Variants in NAA25 observed in about 807,000 individuals in gnomAD.
The protein encoded by NAA25 is N-alpha-acetyltransferase 25, NatB auxiliary subunit.
NAA25 carries 30 observed loss-of-function variants against 132.5 expected under a neutral mutation model. The observed-to-expected ratio is 0.23, with a 90% CI of 0.17 to 0.31. The LOEUF is 0.31. Among genes scored for constraint, NAA25 ranks in the 10% least tolerant of loss-of-function variants. The pLI is 1.00. For missense variants in NAA25, 771 were observed against 1,150.4 expected (o/e 0.67, Z 4.77); for synonymous variants, 359 against 401.9 (o/e 0.89, Z 1.28).
chr12:112,088,541 C>CA (rs1192549114), intron 3 of NAA25, among the ~76,000 whole-genome samples: 2 of 151,234 alleles, frequency 1.3e-5, no homozygotes, highest in Non-Finnish European at 2.9e-5. Flanking sequence ...TGTACTATAG[C>CA]ATTTATTAAC....
intron 11 of NAA25, 36 bp downstream of exon 11, chr12:112,068,844 G>A (rs2078759055): frequency 1.7e-6 from 2 of 1,155,682 alleles, no homozygotes; most frequent in Non-Finnish European, 1.3e-6. Flanking sequence ...AACAAATAGA[G>A]GCACCCAACA....
At chr12:112,078,593 C>CA (rs765411475) in intron 6 of NAA25, 41 bp downstream of exon 6, 7 of 1,525,562 alleles carry the variant, frequency 4.6e-6, no homozygotes, top group Non-Finnish European at 1.8e-6. Context: ...GTAGCACTAG[C>CA]AAAAAAATGA....
chr12:112,085,592 T>A (rs1361775651), intron 4 of NAA25, among the ~76,000 whole-genome samples: 3 of 152,142 alleles, frequency 2.0e-5, no homozygotes, highest in Non-Finnish European at 4.4e-5. Flanking sequence ...ACCATAGGGA[T>A]GAACTATAAC....
intron 8 of NAA25, 71 bp downstream of exon 8, chr12:112,075,607 C>T: frequency 8.0e-7 from 1 of 1,257,332 alleles, no homozygotes; most frequent in Non-Finnish European, 1.1e-6. Context: ...AACACAGACA[C>T]CAAGAAAATC....
intron 21 of NAA25, 53 bp from the exon 22 acceptor site, chr12:112,039,392 T>A: frequency 9.2e-7 from 1 of 1,092,454 alleles, no homozygotes; most frequent in Non-Finnish European, 1.4e-6. Flanking sequence ...AAAATATCTA[T>A]CAGGAAATTA....
intron 22 of NAA25, among the ~76,000 whole-genome samples, chr12:112,036,183 C>T (rs984830629): frequency 3.3e-5 from 5 of 152,008 alleles, no homozygotes; most frequent in Non-Finnish European, 5.9e-5. Flanking sequence ...ATGGGGAGAG[C>T]CCTAAAACTG....
In NAA25 at chr12:112,093,573, A is replaced by G. The variant is rs147836443; in HGVS notation, c.59-437T>C. Among the ~76,000 whole-genome samples the G allele has an allele frequency of 5.2e-3, 786 of 152,108 alleles. 2 individuals are homozygous for G. The highest frequency in any genetic ancestry group is 0.018 in the African/African-American group (738 of 41,494). ...AGTAATAACACAAAATAATAATAATAAAACAAAATAATAAAAACATCATGG... is the reference window on the plus strand; with the variant it reads ...AGTAATAACACAAAATAATAATAATGAAACAAAATAATAAAAACATCATGG... On this transcript the variant is annotated intron_variant, in intron 1 of 23. Transcript: ENST00000261745.
At position 112,039,334 on chromosome 12, in the gene NAA25, A is replaced by T. The variant is rs375262045; in HGVS notation, c.2544T>A (p.Ile848=). 3 of 1,596,654 alleles carry T rather than the reference A, an allele frequency of 1.9e-6. No homozygotes were observed. The highest frequency in any genetic ancestry group is 2.6e-6 in the Non-Finnish European group (3 of 1,168,188). Residue 848 remains isoleucine (I), a synonymous_variant, in exon 22 of 24, where the codon ATT becomes ATA. Transcript: ENST00000261745. The stretch of plus-strand genomic sequence containing the variant: ...AACTGGATACCCAAAGGATAACAGA[A>T]ATAGTCTGAAAGGAAAAATTGCAAA... The part of the protein sequence containing the change: ...LENLVFFVET[I]SVILWVSSYC...
intron 11 of NAA25, 54 bp downstream of exon 11, chr12:112,068,826 T>C: frequency 1.1e-6 from 1 of 950,748 alleles, no homozygotes; most frequent in Non-Finnish European, 1.6e-6. Context: ...ATTTAACCTC[T>C]GTGTTTCAAC....
At chr12:112,101,712 A>G (rs10774649) in intron 1 of NAA25, among the ~76,000 whole-genome samples, 68,856 of 151,242 alleles carry the variant, frequency 0.46, 19,890 homozygotes, top group East Asian at 0.9. Flanking sequence ...AGTGGAGATC[A>G]CGCCATTGCA....
intron 7 of NAA25, among the ~76,000 whole-genome samples, chr12:112,077,771 A>G (rs1299275822): frequency 6.6e-6 from 1 of 152,120 alleles, no homozygotes; most frequent in Non-Finnish European, 1.5e-5. Context: ...CTAGAGGGGC[A>G]TTAATTAATT....
chr12:112,075,388 C>G (rs1382834213), intron 8 of NAA25, among the ~76,000 whole-genome samples: 1 of 152,126 alleles, frequency 6.6e-6, no homozygotes, highest in Non-Finnish European at 1.5e-5. Context: ...AGGGTTTCGC[C>G]ATGTTGGCCA....
intron 1 of NAA25, among the ~76,000 whole-genome samples, chr12:112,107,475 C>T (rs1310146507): frequency 6.6e-6 from 1 of 151,178 alleles, no homozygotes; most frequent in East Asian, 1.9e-4. Flanking sequence ...TATTAGATAA[C>T]CCATATAAAA....
chr12:112,029,704 C>A (rs1207797604), intron 23 of NAA25, 51 bp from the exon 24 acceptor site: 1 of 1,586,470 alleles, frequency 6.3e-7, no homozygotes, highest in East Asian at 2.2e-5. Flanking sequence ...ACCATCCCCC[C>A]AGATTCTAGT....
intron 11 of NAA25, among the ~76,000 whole-genome samples, chr12:112,068,181 A>T (rs2078747212): frequency 6.6e-6 from 1 of 152,184 alleles, no homozygotes; most frequent in South Asian, 2.1e-4. Context: ...TGGGGACTAC[A>T]GGCACGTGCC....
rs150249675 is a variant in NAA25 at position 112,049,986 on chromosome 12, A to C, written c.1729-1543T>G. Among the ~76,000 whole-genome samples the C allele has an allele frequency of 4.6e-3, 704 of 152,126 alleles. 7 individuals carry two copies. Among genetic ancestry groups the C allele is most frequent in the African/African-American group, 0.016 (643 of 41,480 alleles). On this transcript the variant is annotated intron_variant, in intron 15 of 23. Transcript: ENST00000261745. This position sits in a 1 kb window ranked among gnomAD's most constrained non-coding sequence, Gnocchi z 4.7. The stretch of plus-strand genomic sequence containing the variant: ...ATGCTATGATTTAAGGAGGGAACCC[A>C]GCCTTACCAAGTGTAGAGGCAGTTT...
Position 112,039,231 on chromosome 12 carries a change from T to C in NAA25, c.2647A>G (p.Met883Val). The part of the protein sequence containing the change: ...KKKKKETSII[M>V]PPVFTSFQDY... ...ATCACTTGTGTTACTGTTATTACCA[T>C]GATGATGCTGGTTTCTTTTTTCTTC... Residue 883 changes from methionine (M) to valine (V), a missense_variant and splice_region_variant, in exon 22 of 24, where the codon ATG becomes GTG. This residue lies in a region of NAA25 where 324 missense variants were observed against 400.0 expected (regional missense o/e 0.81). Transcript: ENST00000261745. 1.3e-6 allele frequency: 2 copies of C among 1,559,894 alleles called. No individual in the cohort carries two copies. The highest frequency in any genetic ancestry group is 1.2e-5 in the South Asian group (1 of 86,722).
At chr12:112,092,024 A>T (rs971156562) in intron 2 of NAA25, among the ~76,000 whole-genome samples, 13 of 152,036 alleles carry the variant, frequency 8.6e-5, no homozygotes, top group African/African-American at 2.9e-4. Flanking sequence ...GCGGATCAGG[A>T]GGTCAGGAGA....
chr12:112,054,561 C>T lies in NAA25; in HGVS notation c.1455G>A (p.Glu485=). The part of the protein sequence containing the change: ...LIDVWRETGD[E]TTVWQALTLL... Reference sequence around the variant, plus strand: ...AAGTCAGGGCCTGCCACACAGTGGTCTCATCACCTAGAACCAAAATACAGC... The same window carrying T: ...AAGTCAGGGCCTGCCACACAGTGGTTTCATCACCTAGAACCAAAATACAGC... The change falls in exon 14 of 24, where the codon GAG becomes GAA. Residue 485 remains glutamate, a synonymous_variant. Transcript: ENST00000261745. 6.2e-7 allele frequency: 1 copy of T among 1,613,274 alleles called. No individual in the cohort carries two copies. The highest frequency in any genetic ancestry group is 8.5e-7 in the Non-Finnish European group (1 of 1,179,758).
Sources: allele counts gnomAD v4.1 joint callset (sites outside exome capture counted in the v4.1 genomes callset), GRCh38; gene constraint gnomAD v4.1.1; regional missense constraint gnomAD v4.1.1; non-coding constraint Gnocchi (gnomAD v3.1); transcripts MANE v1.5; gene names NCBI Gene and HGNC (gene_info 2026-07-23, HGNC 2026-07-21).